Variants in NHSL1 observed in about 807,000 individuals in gnomAD.
NHSL1 encodes the protein NHS like 1, also known as NHS-like protein 1.
In NHSL1, 48 loss-of-function variants were observed where a neutral mutation model predicts 95.0. The ratio of observed to expected loss-of-function variants is 0.51; its 90% CI spans 0.40 to 0.64. NHSL1 has a LOEUF of 0.64. Among genes scored for constraint, NHSL1 ranks in the 30% least tolerant of loss-of-function variants. The pLI, the probability that NHSL1 is intolerant of heterozygous loss-of-function variation, is 0.00. For synonymous variants in NHSL1, 783 were observed against 833.9 expected (o/e 0.94, Z 1.05); for missense variants, 1,971 against 2,077.7 (o/e 0.95, Z 1.00).
chr6:138,428,559 C>T (rs937849136), intron 7 of NHSL1, among the ~76,000 whole-genome samples: 2 of 152,162 alleles, frequency 1.3e-5, no homozygotes, highest in East Asian at 1.9e-4. Flanking sequence ...AGAGGAGCGA[C>T]GTAAAGAGCG....
At chr6:138,561,963 G>A (rs1402898790) in intron 1 of NHSL1, among the ~76,000 whole-genome samples, 1 of 152,208 alleles carries the variant, frequency 6.6e-6, no homozygotes, top group Non-Finnish European at 1.5e-5. Context: ...ATATCTACTA[G>A]TCAGTCATCA....
intron 5 of NHSL1, among the ~76,000 whole-genome samples, chr6:138,441,561 G>T (rs959060382): frequency 6.6e-6 from 1 of 152,124 alleles, no homozygotes; most frequent in African/African-American, 2.4e-5. Flanking sequence ...ATGACAAAAT[G>T]CCACCAGTAG....
chr6:138,455,993 C>T (rs1187951396), intron 3 of NHSL1, among the ~76,000 whole-genome samples: 1 of 152,180 alleles, frequency 6.6e-6, no homozygotes, highest in Non-Finnish European at 1.5e-5. Context: ...CTTAACAATA[C>T]TTATCATCAT....
intron 1 of NHSL1, among the ~76,000 whole-genome samples, chr6:138,567,254 A>G (rs1783655336): frequency 6.6e-6 from 1 of 151,996 alleles, no homozygotes; most frequent in South Asian, 2.1e-4. Flanking sequence ...CAGCCTCCTG[A>G]GTAGCTGGAA....
chr6:138,638,760 C>G (rs1400267624), intron 1 of NHSL1, among the ~76,000 whole-genome samples: 2 of 152,200 alleles, frequency 1.3e-5, no homozygotes, highest in Non-Finnish European at 2.9e-5. Context: ...ACTTCCAACC[C>G]TCTGCTGTCT....
upstream of NHSL1, among the ~76,000 whole-genome samples, chr6:138,576,775 G>C (rs1446516255): frequency 6.6e-6 from 1 of 152,162 alleles, no homozygotes; most frequent in Non-Finnish European, 1.5e-5. Flanking sequence ...AGCAGACCCT[G>C]CATAATGACC....
In NHSL1 at chr6:138,639,289, T is replaced by A. The variant is rs1377269955; in HGVS notation, c.96+53187A>T. ...AATTTGGTATAAAGTATATTTCATT[T>A]GCCACAAAATAAATAATTCCCCTAT... On this transcript the variant is annotated intron_variant, in intron 1 of 3. Transcript: ENST00000491526. Among the ~76,000 whole-genome samples, 3 of 152,192 alleles carry A rather than the reference T, an allele frequency of 2.0e-5. No homozygotes were observed. The East Asian group carries it at 5.8e-4, about 29-fold the overall frequency.
In NHSL1 at chr6:138,423,178, A is replaced by C. The variant is rs1414157177; in HGVS notation, c.*903T>G. 1 of 152,026 alleles carries C rather than the reference A, an allele frequency of 6.6e-6. No individual in the cohort carries two copies. The highest frequency in any genetic ancestry group is 1.9e-4 in the East Asian group (1 of 5,192). 9.4% of individuals were successfully genotyped at this position (152,026 alleles called of 1,614,324 possible). A position where few individuals can be genotyped will look rare whatever the true frequency, so the allele number is the denominator to read the frequency against. On this transcript the variant is annotated 3_prime_UTR_variant, in exon 8 of 8. Transcript: ENST00000343505. ...GTGCAAGTTTTCAAATTTAATTCTGAAAAATAATTTTATTTCATAGGCAGG... is the reference window on the plus strand; with the variant it reads ...GTGCAAGTTTTCAAATTTAATTCTGCAAAATAATTTTATTTCATAGGCAGG...
At chr6:138,688,972 T>C (rs1394593094) in intron 1 of NHSL1, among the ~76,000 whole-genome samples, 2 of 152,222 alleles carry the variant, frequency 1.3e-5, no homozygotes, top group Non-Finnish European at 2.9e-5. Flanking sequence ...TACTTGTACT[T>C]AGTATTGTAT....
chr6:138,648,342 T>G (rs906223629), intron 1 of NHSL1, among the ~76,000 whole-genome samples: 6 of 139,846 alleles, frequency 4.3e-5, no homozygotes, highest in Non-Finnish European at 7.5e-5. Flanking sequence ...AATAAAACTT[T>G]ACGGACACTG....
At chr6:138,585,681 G>C (rs763937912) in intron 1 of NHSL1, among the ~76,000 whole-genome samples, 1 of 151,824 alleles carries the variant, frequency 6.6e-6, no homozygotes, top group Non-Finnish European at 1.5e-5. Flanking sequence ...GCACTGAATC[G>C]CTCCATAAAA....
chr6:138,450,627 G>C (rs1431370258), intron 3 of NHSL1, among the ~76,000 whole-genome samples: 1 of 152,192 alleles, frequency 6.6e-6, no homozygotes, highest in Non-Finnish European at 1.5e-5. Flanking sequence ...CTTCCCCGTA[G>C]GGACAATCAC....
chr6:138,460,195 T>G (rs895234980), intron 3 of NHSL1, among the ~76,000 whole-genome samples: 4 of 152,228 alleles, frequency 2.6e-5, no homozygotes, highest in Non-Finnish European at 4.4e-5. Flanking sequence ...GGCTTGGCAT[T>G]TTTTTCAATT....
rs1443843016 is a variant in NHSL1 at position 138,439,889 on chromosome 6, T to C, written c.664+2094A>G. 4.6e-5 allele frequency among the ~76,000 whole-genome samples: 7 copies of C among 152,122 alleles called. No homozygotes were observed. In the South Asian group the frequency reaches 1.0e-3, roughly 22 times the overall value. The stretch of plus-strand genomic sequence containing the variant: ...AGATTTTAATCACTGATTTAAAAAA[T>C]ACTAAAATTACAAAAGATATGATTT... On this transcript the variant is annotated intron_variant, in intron 5 of 7. Coordinates refer to ENST00000343505, the MANE Select transcript of NHSL1 (RefSeq NM_001144060.2).
chr6:138,608,138 C>T (rs1469352413), intron 1 of NHSL1, among the ~76,000 whole-genome samples: 1 of 152,222 alleles, frequency 6.6e-6, no homozygotes, highest in Admixed American at 6.5e-5. Flanking sequence ...TCTCAAAGGA[C>T]ATATTTTAGC....
intron 3 of NHSL1, among the ~76,000 whole-genome samples, chr6:138,453,136 G>A (rs1358098809): frequency 6.6e-6 from 1 of 151,700 alleles, no homozygotes; most frequent in East Asian, 1.9e-4. Flanking sequence ...CACCATGCCT[G>A]GCTAATTTTT....
chr6:138,621,380 T>C (rs576406180), intron 1 of NHSL1, among the ~76,000 whole-genome samples: 8 of 152,246 alleles, frequency 5.3e-5, no homozygotes, highest in African/African-American at 1.7e-4. Context: ...AAGATCTCCA[T>C]TATATCTGGT....
rs867727519 is a variant in NHSL1, at chr6:138,511,401, T to A, written c.17-15030A>T. Among the ~76,000 whole-genome samples the A allele has an allele frequency of 7.2e-4, 98 of 136,736 alleles. 1 individual carries two copies. The highest frequency in any genetic ancestry group is 4.2e-3 in the South Asian group (18 of 4,302). 89.7% of individuals were successfully genotyped at this position (136,736 alleles called of 152,430 possible). A position where few individuals can be genotyped will look rare whatever the true frequency, so the allele number is the denominator to read the frequency against. On this transcript the variant is annotated intron_variant, in intron 1 of 4. Coordinates refer to the NHSL1 transcript ENST00000342260. ...AAACCACTGAGAGAGAGAGAGAGAG[T>A]GTGTGTGTGTATGTGTGTGTGTGAG...
chr6:138,547,621 G>A (rs1203236003), upstream of NHSL1, among the ~76,000 whole-genome samples: 1 of 152,176 alleles, frequency 6.6e-6, no homozygotes, highest in East Asian at 1.9e-4. Flanking sequence ...CTGACCTTGT[G>A]ATCCACCCGC....
Sources: gnomAD v4.1 joint callset for allele counts (sites outside exome capture counted in the v4.1 genomes callset) on GRCh38, gnomAD v4.1.1 for gene constraint, MANE v1.5 for transcripts, NCBI Gene and HGNC (gene_info 2026-07-23, HGNC 2026-07-21) for gene names.